The following KIRREL3 variants were observed in gnomAD, a reference collection of about 807,000 sequenced individuals.
KIRREL3 encodes the protein kin of IRRE-like protein 3.
In KIRREL3, 36 loss-of-function variants were observed where a neutral mutation model predicts 89.7. The ratio of observed to expected loss-of-function variants is 0.40; its 90% CI spans 0.31 to 0.53. KIRREL3 has a LOEUF of 0.53. Among genes scored for constraint, KIRREL3 ranks in the 20% least tolerant of loss-of-function variants. The probability of loss-of-function intolerance (pLI) is 0.49; values close to 1 mark genes in which losing one functional copy is unlikely to be tolerated. For synonymous variants in KIRREL3, 445 were observed against 441.4 expected (o/e 1.01, Z -0.10); for missense variants, 864 against 1,056.6 (o/e 0.82, Z 2.53).
At position 126,918,159 on chromosome 11, in the gene KIRREL3, G is replaced by A. The variant is rs149514990; in HGVS notation, c.55+82296C>T. ...GAAGGACACACGACTTGAGGGAGATGGATGTTACTGAGGCAAAAGAAATGT... is the reference window on the plus strand; with the variant it reads ...GAAGGACACACGACTTGAGGGAGATAGATGTTACTGAGGCAAAAGAAATGT... On this transcript the variant is annotated intron_variant, in intron 1 of 16. Transcript: ENST00000525144. This position sits in a 1 kb window ranked among gnomAD's most constrained non-coding sequence, Gnocchi z 6.5. Among the ~76,000 whole-genome samples, 7 of 152,260 alleles carry A rather than the reference G, an allele frequency of 4.6e-5. No individual in the cohort carries two copies. The East Asian group carries it at 1.4e-3, about 29-fold the overall frequency.
chr11:126,695,081 T>C (rs1300396412), intron 1 of KIRREL3, among the ~76,000 whole-genome samples: 3 of 152,232 alleles, frequency 2.0e-5, no homozygotes, highest in African/African-American at 4.8e-5. Context: ...GAGCCATCTA[T>C]GACAGCTTTC....
rs1362039517 is a variant in KIRREL3 at position 126,807,095 on chromosome 11, G to A, written c.55+193360C>T. On this transcript the variant is annotated intron_variant, in intron 1 of 16. Coordinates refer to ENST00000525144, the MANE Select transcript of KIRREL3 (RefSeq NM_032531.4). The surrounding 1 kb of genome is among the most constrained non-coding windows in gnomAD (Gnocchi z 4.3). ...TGTACTCTTCAAAGGGGATGAAACTGAGACCCTGCAAGGATAACTATCTTT... is the reference window on the plus strand; with the variant it reads ...TGTACTCTTCAAAGGGGATGAAACTAAGACCCTGCAAGGATAACTATCTTT... Among the ~76,000 whole-genome samples, 1 of 152,168 alleles carries A rather than the reference G, an allele frequency of 6.6e-6. No individual in the cohort carries two copies. Among genetic ancestry groups the A allele is most frequent in the Non-Finnish European group, 1.5e-5 (1 of 68,038 alleles).
chr11:126,818,457 A>G (rs10790837), intron 1 of KIRREL3, among the ~76,000 whole-genome samples: 131,488 of 152,262 alleles, frequency 0.86, 57,128 homozygotes, highest in East Asian at 1. Context: ...CTCTGAGCCT[A>G]TTTCCTCACT....
Position 126,508,053 on chromosome 11 carries a change from G to T in KIRREL3, c.433+13262C>A, listed in dbSNP as rs1958084850. Among the ~76,000 whole-genome samples the T allele has an allele frequency of 6.6e-6, 1 of 152,194 alleles. No individual in the cohort carries two copies. Among genetic ancestry groups the T allele is most frequent in the African/African-American group, 2.4e-5 (1 of 41,440 alleles). On this transcript the variant is annotated intron_variant, in intron 4 of 16. Coordinates refer to ENST00000525144, the MANE Select transcript of KIRREL3 (RefSeq NM_032531.4). This position sits in a 1 kb window ranked among gnomAD's most constrained non-coding sequence, Gnocchi z 4.9. ...GGGCAGAGATAGTCCTTCCTGGGGG[G>T]TGGCTGTGTGGCCATCAGCCTTCTC...
rs1235742672 is a variant in KIRREL3 at position 126,994,117 on chromosome 11, G to A, written c.55+6338C>T. ...TGCCTATGAAGACAGGCAAAGAGTAGGGTGAGAGCATAGCTCCCATTTGAG... is the reference window on the plus strand; with the variant it reads ...TGCCTATGAAGACAGGCAAAGAGTAAGGTGAGAGCATAGCTCCCATTTGAG... On this transcript the variant is annotated intron_variant, in intron 1 of 16. Transcript: ENST00000525144. This position sits in a 1 kb window ranked among gnomAD's most constrained non-coding sequence, Gnocchi z 5.2. Among the ~76,000 whole-genome samples the A allele has an allele frequency of 1.3e-5, 2 of 152,166 alleles. No homozygotes were observed. Among genetic ancestry groups the A allele is most frequent in the East Asian group, 1.9e-4 (1 of 5,196 alleles).
intron 1 of KIRREL3, among the ~76,000 whole-genome samples, chr11:126,926,711 G>T (rs1298826908): frequency 1.3e-5 from 2 of 152,208 alleles, no homozygotes; most frequent in Admixed American, 1.3e-4. Flanking sequence ...CCTGCTCTGT[G>T]GTTGGGATGC....
rs921112522 is a variant in KIRREL3, at chr11:126,739,149, T to C, written c.56-176237A>G. On this transcript the variant is annotated intron_variant, in intron 1 of 16. Transcript: ENST00000525144. The surrounding 1 kb of genome is among the most constrained non-coding windows in gnomAD (Gnocchi z 5.5). ...ATGGAAACTCCAATCCAGACTGTTC[T>C]GGCTCCAAAGCCAAACCCTTCCACC... Among the ~76,000 whole-genome samples, 2 of 152,240 alleles carry C rather than the reference T, an allele frequency of 1.3e-5. No individual in the cohort carries two copies. The highest frequency in any genetic ancestry group is 2.9e-5 in the Non-Finnish European group (2 of 68,044).
In KIRREL3 at chr11:126,655,398, A is replaced by G. The variant is rs2134988364; in HGVS notation, c.56-92486T>C. Among the ~76,000 whole-genome samples the G allele has an allele frequency of 6.6e-6, 1 of 152,250 alleles. No individual in the cohort carries two copies. Among genetic ancestry groups the G allele is most frequent in the Non-Finnish European group, 1.5e-5 (1 of 68,022 alleles). Reference sequence around the variant, plus strand: ...TTTGCACAGCTCTCTGCTCTGACAAATGCCTCCTTTGTCTCCCTGAAAAGC... The same window carrying G: ...TTTGCACAGCTCTCTGCTCTGACAAGTGCCTCCTTTGTCTCCCTGAAAAGC... On this transcript the variant is annotated intron_variant, in intron 1 of 16. Coordinates refer to ENST00000525144, the MANE Select transcript of KIRREL3 (RefSeq NM_032531.4). The surrounding 1 kb of genome is among the most constrained non-coding windows in gnomAD (Gnocchi z 5.0).
Position 126,860,149 on chromosome 11 carries a change from A to G in KIRREL3, c.55+140306T>C, listed in dbSNP as rs1295609176. 6.6e-6 allele frequency among the ~76,000 whole-genome samples: 1 copy of G among 152,192 alleles called. No homozygotes were observed. Among genetic ancestry groups the G allele is most frequent in the Non-Finnish European group, 1.5e-5 (1 of 68,028 alleles). ...GAGAAAGAGGGAGGATGATATTGGA[A>G]TTAATTTCAATACAACAAACAGGTA... On this transcript the variant is annotated intron_variant, in intron 1 of 16. Transcript: ENST00000525144. The surrounding 1 kb of genome is among the most constrained non-coding windows in gnomAD (Gnocchi z 4.6).
chr11:126,601,485 A>G lies in KIRREL3; in HGVS notation c.56-38573T>C, dbSNP rs1267773501. On this transcript the variant is annotated intron_variant, in intron 1 of 16. Coordinates refer to ENST00000525144, the MANE Select transcript of KIRREL3 (RefSeq NM_032531.4). The surrounding 1 kb of genome is among the most constrained non-coding windows in gnomAD (Gnocchi z 5.8). ...AGATGAACTTCCCGTGCTCAATCAA[A>G]CGTTATTATCCCAATGTAAGTCAAT... is the stretch of plus-strand genomic sequence containing the variant. Among the ~76,000 whole-genome samples the G allele has an allele frequency of 6.6e-6, 1 of 152,178 alleles. No homozygotes were observed. The highest frequency in any genetic ancestry group is 1.9e-4 in the East Asian group (1 of 5,198).
chr11:126,605,176 TG>T lies in KIRREL3; in HGVS notation c.56-42265del, dbSNP rs1275589332. On this transcript the variant is annotated intron_variant, in intron 1 of 16. Transcript: ENST00000525144. This position sits in a 1 kb window ranked among gnomAD's most constrained non-coding sequence, Gnocchi z 5.7. ...CCCTGCTCTCCCATCTGCAGCAGGT[TG>T]GGGCCCCATGGATAACTATATCTAG... 2.0e-5 allele frequency among the ~76,000 whole-genome samples: 3 copies of T among 152,292 alleles called. No individual in the cohort carries two copies. Among genetic ancestry groups the T allele is most frequent in the Middle Eastern group, 6.8e-3 (2 of 294 alleles).
chr11:126,821,329 GTATATA>G lies in KIRREL3; in HGVS notation c.55+179120_55+179125del, dbSNP rs6144553. On this transcript the variant is annotated intron_variant, in intron 1 of 16. Transcript: ENST00000525144. ...TTTCATGGGTCAACGGATAAACACA[GTATATA>G]TATATATATATATATATGTAACTTC... 1.9e-3 allele frequency among the ~76,000 whole-genome samples: 193 copies of G among 103,532 alleles called. 11 individuals carry two copies. The highest frequency in any genetic ancestry group is 2.3e-3 in the Non-Finnish European group (125 of 54,796). The allele number at this position is 103,532 out of a possible 152,430, so 67.9% of individuals were successfully genotyped here. A position where few individuals can be genotyped will look rare whatever the true frequency, so the allele number is the denominator to read the frequency against.
chr11:126,513,519 T>C lies in KIRREL3; in HGVS notation c.433+7796A>G. 6.6e-6 allele frequency among the ~76,000 whole-genome samples: 1 copy of C among 152,150 alleles called. No homozygotes were observed. The highest frequency in any genetic ancestry group is 1.9e-4 in the East Asian group (1 of 5,178). On this transcript the variant is annotated intron_variant, in intron 4 of 16. Transcript: ENST00000525144. The surrounding 1 kb of genome is among the most constrained non-coding windows in gnomAD (Gnocchi z 5.9). ...GTTTGCCTCCATCCCTGAGGGATCC[T>C]CTCTTCCTCCGGGCCTTGGAAGTCG... is the stretch of plus-strand genomic sequence containing the variant.
intron 1 of KIRREL3, among the ~76,000 whole-genome samples, chr11:126,947,562 T>C (rs992285933): frequency 2.0e-5 from 3 of 152,202 alleles, no homozygotes; most frequent in African/African-American, 4.8e-5. Context: ...AAAGGACGAA[T>C]AGTAACTGAG....
Position 126,496,440 on chromosome 11 carries a change from G to T in KIRREL3, c.434-22974C>A, listed in dbSNP as rs922947681. On this transcript the variant is annotated intron_variant, in intron 4 of 16. Transcript: ENST00000525144. The surrounding 1 kb of genome is among the most constrained non-coding windows in gnomAD (Gnocchi z 4.9). Reference sequence around the variant, plus strand: ...GAAAAATGAAAGGGCCAGTCTTAGGGCCTAGGAATTCCCATGATAAGTTCA... The same window carrying T: ...GAAAAATGAAAGGGCCAGTCTTAGGTCCTAGGAATTCCCATGATAAGTTCA... 6.6e-6 allele frequency among the ~76,000 whole-genome samples: 1 copy of T among 152,096 alleles called. No individual in the cohort carries two copies. Among genetic ancestry groups the T allele is most frequent in the Non-Finnish European group, 1.5e-5 (1 of 68,022 alleles).
rs1041585144 is a variant in KIRREL3 at position 126,773,562 on chromosome 11, C to A, written c.56-210650G>T. On this transcript the variant is annotated intron_variant, in intron 1 of 16. Coordinates refer to ENST00000525144, the MANE Select transcript of KIRREL3 (RefSeq NM_032531.4). This position sits in a 1 kb window ranked among gnomAD's most constrained non-coding sequence, Gnocchi z 4.2. ...CTGGAGAATCCTGACTAATTCAAAGCCAAAGAGTGCTAGAGCTGGGTCTAG... is the reference window on the plus strand; with the variant it reads ...CTGGAGAATCCTGACTAATTCAAAGACAAAGAGTGCTAGAGCTGGGTCTAG... Among the ~76,000 whole-genome samples, 1 of 152,190 alleles carries A rather than the reference C, an allele frequency of 6.6e-6. No individual in the cohort carries two copies. Among genetic ancestry groups the A allele is most frequent in the Non-Finnish European group, 1.5e-5 (1 of 68,026 alleles).
At chr11:126,973,323 A>G (rs1949484957) in intron 1 of KIRREL3, among the ~76,000 whole-genome samples, 2 of 152,138 alleles carry the variant, frequency 1.3e-5, no homozygotes, top group African/African-American at 2.4e-5. Flanking sequence ...CTCAGGGGCC[A>G]CCATTCAGTT....
chr11:126,469,295 T>C (rs1472209532), intron 5 of KIRREL3, among the ~76,000 whole-genome samples: 1 of 152,252 alleles, frequency 6.6e-6, no homozygotes, highest in Non-Finnish European at 1.5e-5. Context: ...AGGGGTCTTT[T>C]CTGGGGTCCT....
chr11:126,445,153 A>G, intron 9 of KIRREL3, 48 bp from the exon 10 acceptor site: 3 of 1,601,888 alleles, frequency 1.9e-6, no homozygotes, highest in Non-Finnish European at 2.6e-6. Context: ...GGAGGGGTGC[A>G]CTCTTGTCTC....
Sources: gnomAD v4.1 joint callset for allele counts (sites outside exome capture counted in the v4.1 genomes callset) on GRCh38, gnomAD v4.1.1 for gene constraint, Gnocchi (gnomAD v3.1) non-coding constraint, MANE v1.5 for transcripts, NCBI Gene and HGNC (gene_info 2026-07-23, HGNC 2026-07-21) for gene names.